WIPF3: variants seen among roughly 807,000 people sequenced by gnomAD.
WIPF3 encodes the protein WAS/WASL interacting protein family member 3.
Under a neutral mutation model 38.9 loss-of-function variants are expected in WIPF3, and 33 were observed. The ratio of observed to expected loss-of-function variants is 0.85; its 90% confidence interval spans 0.64 to 1.14. The LOEUF (loss-of-function observed/expected upper bound fraction) is 1.14. Ranked by LOEUF, WIPF3 falls within the 50% of genes most tolerant of loss-of-function variation. The probability of loss-of-function intolerance (pLI) is 0.00; values close to 1 mark genes in which losing one functional copy is unlikely to be tolerated. For missense variants in WIPF3, 711 were observed against 652.5 expected (o/e 1.09, Z -0.98); for synonymous variants, 324 against 269.3 (o/e 1.20, Z -1.99).
intron 2 of WIPF3, among the ~76,000 whole-genome samples, chr7:29,860,827 G>A (rs1427761125): frequency 6.6e-6 from 1 of 152,092 alleles, no homozygotes; most frequent in African/African-American, 2.4e-5. Context: ...TTGATACAGG[G>A]AATTGTTGGT....
intron 7 of WIPF3, among the ~76,000 whole-genome samples, chr7:29,897,808 C>T (rs1439978541): frequency 6.6e-6 from 1 of 152,204 alleles, no homozygotes; most frequent in Non-Finnish European, 1.5e-5. Context: ...ATGAGCTTTC[C>T]TTGGTGAAGC....
chr7:29,898,697 G>C (rs1786209747), intron 7 of WIPF3, among the ~76,000 whole-genome samples: 1 of 152,142 alleles, frequency 6.6e-6, no homozygotes, highest in South Asian at 2.1e-4. Context: ...TGCATTTGCT[G>C]TTCCTTCTGA....
chr7:29,882,009 C>A (rs1048194636), intron 4 of WIPF3, among the ~76,000 whole-genome samples: 1 of 152,240 alleles, frequency 6.6e-6, no homozygotes, highest in Non-Finnish European at 1.5e-5. Flanking sequence ...TGCACTTACA[C>A]CATCAGCCCC....
chr7:29,869,833 G>A (rs1785464586), intron 2 of WIPF3, among the ~76,000 whole-genome samples: 1 of 152,180 alleles, frequency 6.6e-6, no homozygotes, highest in Non-Finnish European at 1.5e-5. Flanking sequence ...GAAGGGATTG[G>A]CACACAGTAG....
At chr7:29,892,602 G>C (rs1265300028) in intron 7 of WIPF3, among the ~76,000 whole-genome samples, 1 of 152,222 alleles carries the variant, frequency 6.6e-6, no homozygotes, top group African/African-American at 2.4e-5. Flanking sequence ...ACAGGGAAAA[G>C]GCCAAGTGAC....
At chr7:29,849,975 TG>T (rs760264250) in intron 2 of WIPF3, among the ~76,000 whole-genome samples, 9 of 152,226 alleles carry the variant, frequency 5.9e-5, no homozygotes, top group Non-Finnish European at 1.0e-4. Context: ...GGGTTGCTTT[TG>T]GGAATTGCTT....
chr7:29,819,549 A>C (rs1437390358), intron 1 of WIPF3, among the ~76,000 whole-genome samples: 1 of 152,034 alleles, frequency 6.6e-6, no homozygotes, highest in Non-Finnish European at 1.5e-5. Flanking sequence ...TCACAAATAA[A>C]TGTTAATTCC....
At chr7:29,861,479 G>A (rs1187796232) in intron 2 of WIPF3, among the ~76,000 whole-genome samples, 2 of 152,212 alleles carry the variant, frequency 1.3e-5, no homozygotes, top group African/African-American at 4.8e-5. Flanking sequence ...TCTTAGTCCT[G>A]CCTTCCTGCC....
At chr7:29,808,895 C>A (rs1461707257) in intron 1 of WIPF3, among the ~76,000 whole-genome samples, 2 of 152,042 alleles carry the variant, frequency 1.3e-5, no homozygotes, top group Non-Finnish European at 2.9e-5. Flanking sequence ...TCCGAGAAAA[C>A]AAAATGTGAT....
Position 29,883,918 on chromosome 7 carries a change from G to T in WIPF3, c.424G>T (p.Gly142Cys), listed in dbSNP as rs1363104110. 2 of 1,569,848 alleles carry T rather than the reference G, an allele frequency of 1.3e-6. No homozygotes were observed. The highest frequency in any genetic ancestry group is 8.6e-7 in the Non-Finnish European group (1 of 1,157,972). Residue 142 changes from glycine to cysteine, a missense_variant, in exon 5 of 9, where the codon GGC becomes TGC. Coordinates refer to ENST00000242140, the MANE Select transcript of WIPF3 (RefSeq NM_001080529.3). Reference protein sequence around the residue: ...SPRLPNKTISGPLIPPASPRL... With the variant: ...SPRLPNKTISCPLIPPASPRL... ...CAGGCTTCCCAACAAAACCATCAGC[G>T]GCCCGCTTATCCCGCCTGCCTCTCC... is the stretch of plus-strand genomic sequence containing the variant.
At chr7:29,838,719 T>C (rs1784860655) in intron 2 of WIPF3, among the ~76,000 whole-genome samples, 1 of 152,076 alleles carries the variant, frequency 6.6e-6, no homozygotes, top group South Asian at 2.1e-4. Flanking sequence ...GCATCCTAGG[T>C]AGATATCCAA....
At chr7:29,815,763 A>C (rs772749758) in intron 1 of WIPF3, among the ~76,000 whole-genome samples, 2 of 152,210 alleles carry the variant, frequency 1.3e-5, no homozygotes, top group Admixed American at 1.3e-4. Context: ...TTGTGTGTTA[A>C]CCGTGTGATA....
At chr7:29,894,438 C>G (rs1786089936) in intron 7 of WIPF3, among the ~76,000 whole-genome samples, 1 of 152,172 alleles carries the variant, frequency 6.6e-6, no homozygotes, top group African/African-American at 2.4e-5. Context: ...AATTAAGATA[C>G]TGTTTTAGAT....
intron 1 of WIPF3, among the ~76,000 whole-genome samples, chr7:29,822,122 A>ATTTT (rs1784545814): frequency 5.1e-5 from 2 of 39,294 alleles, no homozygotes; most frequent in African/African-American, 1.0e-4. Flanking sequence ...CTTTTTTCTT[A>ATTTT]GTTTTTTTTT....
chr7:29,846,076 GAA>G (rs1303902439), intron 2 of WIPF3, among the ~76,000 whole-genome samples: 2 of 152,136 alleles, frequency 1.3e-5, no homozygotes, highest in African/African-American at 4.8e-5. Context: ...ATTTTAGTAA[GAA>G]TATTTTATAA....
At chr7:29,821,295 A>C (rs1173197677) in intron 1 of WIPF3, among the ~76,000 whole-genome samples, 12 of 151,998 alleles carry the variant, frequency 7.9e-5, no homozygotes, top group Admixed American at 7.9e-4. Context: ...TTATTAATAA[A>C]TTGATTTATT....
At chr7:29,817,772 C>G (rs1485777166) in intron 1 of WIPF3, among the ~76,000 whole-genome samples, 1 of 151,966 alleles carries the variant, frequency 6.6e-6, no homozygotes, top group Non-Finnish European at 1.5e-5. Flanking sequence ...TGTTTATTAT[C>G]CAATGATTTT....
intron 2 of WIPF3, among the ~76,000 whole-genome samples, chr7:29,853,448 A>G (rs111487173): frequency 6.6e-6 from 1 of 152,214 alleles, no homozygotes; most frequent in Non-Finnish European, 1.5e-5. Flanking sequence ...GCTTGCTCAG[A>G]GTCCACAGGA....
chr7:29,888,921 CAG>C (rs1451322526), intron 6 of WIPF3, among the ~76,000 whole-genome samples: 15 of 152,234 alleles, frequency 9.9e-5, no homozygotes, highest in Admixed American at 8.5e-4. Context: ...AGGAGCTTCT[CAG>C]GTGCTTCAGG....
Sources: gnomAD v4.1 joint callset for allele counts (sites outside exome capture counted in the v4.1 genomes callset) on GRCh38, gnomAD v4.1.1 for gene constraint, MANE v1.5 for transcripts, NCBI Gene and HGNC (gene_info 2026-07-23, HGNC 2026-07-21) for gene names.